Variants in CFAP91 observed in about 807,000 individuals in gnomAD.
CFAP91 encodes cilia and flagella associated protein 91, also known as cilia- and flagella-associated protein 91.
In CFAP91, 85 loss-of-function variants were observed where a neutral mutation model predicts 95.9. The ratio of observed to expected loss-of-function variants is 0.89; its 90% CI spans 0.74 to 1.06. The LOEUF is 1.06. CFAP91 is among the 50% of genes least tolerant of loss of function. The probability of loss-of-function intolerance (pLI) is 0.00; values close to 1 mark genes in which losing one functional copy is unlikely to be tolerated. For synonymous variants in CFAP91, 335 were observed against 327.5 expected, an observed-to-expected ratio of 1.02 and a Z score of -0.25; for missense variants, 962 against 943.4, an observed-to-expected ratio of 1.02 and a Z score of -0.26.
chr3:119,756,870 A>G (rs1367079002), intron 17 of CFAP91, among the ~76,000 whole-genome samples: 1 of 152,226 alleles, frequency 6.6e-6, no homozygotes, highest in Non-Finnish European at 1.5e-5. Flanking sequence ...AATAGAAAGC[A>G]CTGAATAAAA....
chr3:119,733,890 T>C (rs908883938), intron 10 of CFAP91, among the ~76,000 whole-genome samples: 2 of 152,234 alleles, frequency 1.3e-5, no homozygotes, highest in Non-Finnish European at 2.9e-5. Flanking sequence ...AAAAGAGTCA[T>C]GTTCAACACC....
At chr3:119,733,283 C>G (rs1345673419) in intron 9 of CFAP91, 81 bp from the exon 10 acceptor site, 2 of 1,454,318 alleles carry the variant, frequency 1.4e-6, no homozygotes, top group African/African-American at 2.9e-5. Flanking sequence ...GCTTGGCAAA[C>G]AGCTACAAAA....
chr3:119,748,156 C>A (rs1306498740), intron 16 of CFAP91, among the ~76,000 whole-genome samples: 2 of 152,072 alleles, frequency 1.3e-5, no homozygotes, highest in Non-Finnish European at 2.9e-5. Context: ...AAGGATGTTC[C>A]CAAGTTTTCA....
intron 10 of CFAP91, among the ~76,000 whole-genome samples, chr3:119,734,050 T>C (rs568965665): frequency 1.4e-4 from 22 of 152,316 alleles, no homozygotes; most frequent in African/African-American, 4.8e-4. Flanking sequence ...CATTCTTTCC[T>C]GTGCATCAGA....
intron 4 of CFAP91, among the ~76,000 whole-genome samples, chr3:119,709,116 C>T (rs1250234136): frequency 2.6e-5 from 4 of 152,152 alleles, no homozygotes; most frequent in Admixed American, 1.3e-4. Context: ...ATGAATCTTG[C>T]CTAAACCAAC....
chr3:119,766,244 A>C lies in CFAP91; in HGVS notation c.*1194A>C, dbSNP rs201181957. 6.8e-6 allele frequency: 1 copy of C among 146,768 alleles called. No individual in the cohort carries two copies. Among genetic ancestry groups the C allele is most frequent in the African/African-American group, 2.8e-5 (1 of 36,280 alleles). 9.1% of individuals were successfully genotyped at this position (146,768 alleles called of 1,614,324 possible). A position where few individuals can be genotyped will look rare whatever the true frequency, so the allele number is the denominator to read the frequency against. On this transcript the variant is annotated 3_prime_UTR_variant, in exon 18 of 18. Coordinates refer to ENST00000273390, the MANE Select transcript of CFAP91 (RefSeq NM_033364.4). ...GCTGTAGATGACCTATCCCACAGCA[A>C]TCGGAGTTCTTGAAGAAGAAACCAG...
chr3:119,753,597 T>C (rs931414683), intron 17 of CFAP91, among the ~76,000 whole-genome samples: 2 of 152,204 alleles, frequency 1.3e-5, no homozygotes, highest in Non-Finnish European at 2.9e-5. Context: ...TCTGAACAAG[T>C]GGCAAAACAA....
chr3:119,740,914 A>C (rs2054108011), intron 13 of CFAP91: 6 of 534,036 alleles, frequency 1.1e-5, no homozygotes, highest in Non-Finnish European at 1.6e-5. Flanking sequence ...AAGTGCAGTG[A>C]TGCAGTCGTG....
chr3:119,759,719 T>C (rs2054499738), intron 17 of CFAP91, among the ~76,000 whole-genome samples: 1 of 151,976 alleles, frequency 6.6e-6, no homozygotes, highest in Non-Finnish European at 1.5e-5. Context: ...ATGTAAATTA[T>C]GAAATTGAAA....
rs770932286 is a variant in CFAP91, at chr3:119,747,156, A to G, written c.1944A>G (p.Glu648=). The G allele has an allele frequency of 6.2e-7, 1 of 1,613,036 alleles. No homozygotes were observed. Among genetic ancestry groups the G allele is most frequent in the Admixed American group, 1.7e-5 (1 of 59,882 alleles). The change falls in exon 15 of 18, where the codon GAA becomes GAG. Residue 648 remains glutamate, a synonymous_variant. Coordinates refer to ENST00000273390, the MANE Select transcript of CFAP91 (RefSeq NM_033364.4). ...ATAGTACTATAAGCTCCTACCTAGA[A>G]GACATAATACTGAATACCGAAGCGA... The part of the protein sequence containing the change: ...VHHSTISSYL[E]DIILNTEANT...
intron 6 of CFAP91, among the ~76,000 whole-genome samples, chr3:119,722,695 A>G (rs2053710364): frequency 6.6e-6 from 1 of 151,756 alleles, no homozygotes; most frequent in African/African-American, 2.4e-5. Context: ...GGGTTTCATT[A>G]TGTTGCCCAG....
chr3:119,719,852 C>T (rs866424478), intron 6 of CFAP91, among the ~76,000 whole-genome samples: 2 of 152,192 alleles, frequency 1.3e-5, no homozygotes, highest in African/African-American at 4.8e-5. Context: ...CCTGTAGTCC[C>T]AGCACTTTGG....
At chr3:119,704,805 C>T (rs1462476164) in intron 1 of CFAP91, among the ~76,000 whole-genome samples, 1 of 152,206 alleles carries the variant, frequency 6.6e-6, no homozygotes, top group African/African-American at 2.4e-5. Flanking sequence ...TACTTCGTGA[C>T]ATTGTAGCTG....
At chr3:119,755,694 A>G (rs1298248095) in intron 17 of CFAP91, among the ~76,000 whole-genome samples, 1 of 152,240 alleles carries the variant, frequency 6.6e-6, no homozygotes, top group Admixed American at 6.5e-5. Flanking sequence ...GTATTTTGTT[A>G]TGACAGCCTG....
chr3:119,757,677 TA>T (rs2054459445), intron 17 of CFAP91, among the ~76,000 whole-genome samples: 1 of 152,036 alleles, frequency 6.6e-6, no homozygotes, highest in Non-Finnish European at 1.5e-5. Context: ...TAAAATGGAA[TA>T]TTTTAGATAC....
Position 119,732,421 on chromosome 3 carries a change from A to C in CFAP91, c.1146A>C (p.Pro382=), listed in dbSNP as rs1403364445. 1 of 1,612,674 alleles carries C rather than the reference A, an allele frequency of 6.2e-7. No homozygotes were observed. Among genetic ancestry groups the C allele is most frequent in the Non-Finnish European group, 8.5e-7 (1 of 1,179,538 alleles). The change falls in exon 9 of 18, where the codon CCA becomes CCC. Residue 382 remains proline, a synonymous_variant. Coordinates refer to ENST00000273390, the MANE Select transcript of CFAP91 (RefSeq NM_033364.4). ...YGPLSRLGCF[P]DNNSEDFVVK... is the part of the protein sequence containing the mutation. ...CTCTGTCTCGTCTTGGGTGTTTCCC[A>C]GACAACAACTCAGAGGACTTTGTAG...
At chr3:119,753,842 C>T (rs932917457) in intron 17 of CFAP91, among the ~76,000 whole-genome samples, 2 of 152,206 alleles carry the variant, frequency 1.3e-5, no homozygotes, top group East Asian at 3.8e-4. Context: ...CCGCACAGTC[C>T]ATTGTATCAT....
At chr3:119,743,942 T>C (rs764331844) in intron 13 of CFAP91, 33 bp from the exon 14 acceptor site, 2 of 1,534,888 alleles carry the variant, frequency 1.3e-6, no homozygotes, top group East Asian at 2.3e-5. Context: ...ATAATGGAAT[T>C]TGTGTCCTTA....
intron 5 of CFAP91, among the ~76,000 whole-genome samples, chr3:119,714,970 A>G (rs1324131827): frequency 6.6e-6 from 1 of 152,114 alleles, no homozygotes; most frequent in East Asian, 1.9e-4. Flanking sequence ...AAAGATCTGG[A>G]ATTAATTTTT....
Sources: gnomAD v4.1 joint callset for allele counts (sites outside exome capture counted in the v4.1 genomes callset) on GRCh38, gnomAD v4.1.1 for gene constraint, MANE v1.5 for transcripts, NCBI Gene and HGNC (gene_info 2026-07-23, HGNC 2026-07-21) for gene names.